The following LRRTM3 variants were observed in gnomAD, a reference collection of about 807,000 sequenced individuals.
The protein encoded by LRRTM3 is leucine-rich repeat transmembrane neuronal protein 3.
Under a neutral mutation model 44.7 loss-of-function variants are expected in LRRTM3, and 24 were observed. The ratio of observed to expected loss-of-function variants is 0.54; its 90% CI spans 0.39 to 0.76. The LOEUF (loss-of-function observed/expected upper bound fraction) is 0.76. Ranked by LOEUF, LRRTM3 falls within the 30% of genes least tolerant of loss-of-function variation. The pLI is 0.00. For synonymous variants in LRRTM3, 277 were observed against 278.7 expected (o/e 0.99, Z 0.06); for missense variants, 587 against 702.2 (o/e 0.84, Z 1.85).
chr10:66,971,138 T>TA (rs1464661542), intron 2 of LRRTM3, among the ~76,000 whole-genome samples: 1 of 151,936 alleles, frequency 6.6e-6, no homozygotes, highest in Non-Finnish European at 1.5e-5. Flanking sequence ...ATAGTGAAGT[T>TA]AAAAAAAGGC....
At chr10:66,997,936 G>T (rs939748652) in intron 2 of LRRTM3, among the ~76,000 whole-genome samples, 1 of 152,042 alleles carries the variant, frequency 6.6e-6, no homozygotes, top group Non-Finnish European at 1.5e-5. Context: ...AAATCTATTT[G>T]TTCCTCTTCA....
intron 2 of LRRTM3, among the ~76,000 whole-genome samples, chr10:66,957,604 T>C (rs1250742552): frequency 6.6e-6 from 1 of 151,820 alleles, no homozygotes; most frequent in Non-Finnish European, 1.5e-5. Flanking sequence ...GTCTGGATTC[T>C]GTCAGGAAAC....
intron 2 of LRRTM3, among the ~76,000 whole-genome samples, chr10:66,978,552 A>AAAAAAAAATAT: frequency 7.9e-5 from 3 of 37,866 alleles, no homozygotes; most frequent in African/African-American, 2.6e-4. Context: ...AAAAAAAAAA[A>AAAAAAAAATAT]ATATATATAT....
In LRRTM3 at chr10:67,041,674, T is replaced by C. The variant is rs374840738; in HGVS notation, c.1537-55913T>C. Reference sequence around the variant, plus strand: ...AAGCATTAAAATTGGCATGTGTCTATTAATACATTCATCAATTCTTTCATT... The same window carrying C: ...AAGCATTAAAATTGGCATGTGTCTACTAATACATTCATCAATTCTTTCATT... On this transcript the variant is annotated intron_variant, in intron 2 of 2. Transcript: ENST00000361320. Among the ~76,000 whole-genome samples the C allele has an allele frequency of 6.6e-5, 10 of 152,264 alleles. No individual in the cohort carries two copies. The South Asian group carries it at 2.1e-3, about 32-fold the overall frequency.
chr10:66,938,474 A>C (rs1442634537), intron 2 of LRRTM3, among the ~76,000 whole-genome samples: 1 of 152,210 alleles, frequency 6.6e-6, no homozygotes, highest in Non-Finnish European at 1.5e-5. Context: ...CATAAGGAAA[A>C]GAAAATATAT....
At position 67,097,740 on chromosome 10, in the gene LRRTM3, C is replaced by T. The variant is rs1858096685; in HGVS notation, c.1690C>T (p.Leu564=). ...AACACACCTAGAGACTGAGCTGGACCTGAGCACAATCACAACAGCTGGCCG... is the reference window on the plus strand; with the variant it reads ...AACACACCTAGAGACTGAGCTGGACTTGAGCACAATCACAACAGCTGGCCG... ...METHLETELD[L]STITTAGRIS... The change falls in exon 3 of 3, where the codon CTG becomes TTG. Residue 564 remains leucine (L), a synonymous_variant. Coordinates refer to ENST00000361320, the MANE Select transcript of LRRTM3 (RefSeq NM_178011.5). 6.2e-7 allele frequency: 1 copy of T among 1,612,498 alleles called. No homozygotes were observed. Among genetic ancestry groups the T allele is most frequent in the Admixed American group, 1.7e-5 (1 of 59,802 alleles).
At chr10:67,029,024 A>G (rs1853564125) in intron 2 of LRRTM3, among the ~76,000 whole-genome samples, 2 of 152,158 alleles carry the variant, frequency 1.3e-5, no homozygotes, top group Admixed American at 1.3e-4. Flanking sequence ...TGTGCTTTCC[A>G]TTAATAACAT....
intron 2 of LRRTM3, among the ~76,000 whole-genome samples, chr10:67,007,491 G>C (rs1184441777): frequency 6.6e-6 from 1 of 151,310 alleles, no homozygotes; most frequent in East Asian, 1.9e-4. Context: ...TTGACAAGCA[G>C]GACTTTCACA....
intron 2 of LRRTM3, among the ~76,000 whole-genome samples, chr10:67,062,435 A>C (rs557581615): frequency 6.6e-6 from 1 of 152,298 alleles, no homozygotes; most frequent in African/African-American, 2.4e-5. Flanking sequence ...TTATCTCTTA[A>C]GTATGCAGGT....
intron 2 of LRRTM3, among the ~76,000 whole-genome samples, chr10:67,074,768 T>A (rs1335939681): frequency 1.3e-5 from 2 of 152,170 alleles, no homozygotes; most frequent in Non-Finnish European, 2.9e-5. Context: ...AAGACATGTA[T>A]ATAAAACCAC....
chr10:66,926,219 G>GA lies in LRRTM3; in HGVS notation c.-363dup, dbSNP rs1847062655. 1 of 450,822 alleles carries GA rather than the reference G, an allele frequency of 2.2e-6. No individual in the cohort carries two copies. The highest frequency in any genetic ancestry group is 4.3e-6 in the Non-Finnish European group (1 of 234,206). The allele number at this position is 450,822 out of a possible 1,614,324, so 27.9% of individuals were successfully genotyped here. Reference sequence around the variant, plus strand: ...TCAGGTAGCCCCAAATTGCCTGGAAGAATACATCATGTTTTTCGATAAGAA... The same window carrying GA: ...TCAGGTAGCCCCAAATTGCCTGGAAGAAATACATCATGTTTTTCGATAAGAA... On this transcript the variant is annotated 5_prime_UTR_variant, in exon 1 of 3. It removes the in-frame stop codon of an upstream open reading frame in the 5' UTR. Coordinates refer to ENST00000361320, the MANE Select transcript of LRRTM3 (RefSeq NM_178011.5).
intron 2 of LRRTM3, among the ~76,000 whole-genome samples, chr10:67,077,474 C>T (rs1004001306): frequency 1.3e-5 from 2 of 152,162 alleles, no homozygotes; most frequent in African/African-American, 4.8e-5. Flanking sequence ...GTCTCCAGTC[C>T]AACCATTCTG....
At chr10:66,929,237 A>G (rs1328921414) in intron 2 of LRRTM3, among the ~76,000 whole-genome samples, 2 of 152,246 alleles carry the variant, frequency 1.3e-5, no homozygotes, top group South Asian at 4.1e-4. Context: ...TTTCATAAAT[A>G]AATAAATGAA....
At chr10:66,988,533 C>T (rs1221903928) in intron 2 of LRRTM3, among the ~76,000 whole-genome samples, 1 of 152,120 alleles carries the variant, frequency 6.6e-6, no homozygotes, top group East Asian at 1.9e-4. Context: ...GTCACTTTGA[C>T]AATTTTATTC....
chr10:67,072,314 T>C (rs765536914), intron 2 of LRRTM3, among the ~76,000 whole-genome samples: 11 of 152,324 alleles, frequency 7.2e-5, no homozygotes, highest in Non-Finnish European at 1.0e-4. Context: ...CTTCACTTTT[T>C]TTAGTCCACC....
chr10:67,047,312 T>C (rs1854814222), intron 2 of LRRTM3, among the ~76,000 whole-genome samples: 1 of 152,210 alleles, frequency 6.6e-6, no homozygotes, highest in African/African-American at 2.4e-5. Flanking sequence ...AATATGCTCC[T>C]CTTCTTTCCA....
intron 2 of LRRTM3, among the ~76,000 whole-genome samples, chr10:66,973,451 C>A (rs1849837933): frequency 6.6e-6 from 1 of 152,080 alleles, no homozygotes; most frequent in South Asian, 2.1e-4. Context: ...AGCTTAGAAG[C>A]ATTAATTTCA....
intron 2 of LRRTM3, among the ~76,000 whole-genome samples, chr10:67,029,346 C>A (rs1338168069): frequency 6.6e-6 from 1 of 152,092 alleles, no homozygotes; most frequent in African/African-American, 2.4e-5. Flanking sequence ...CAAATAGGGT[C>A]ATGGATATTT....
chr10:67,012,336 T>C (rs1852387805), intron 2 of LRRTM3: 1 of 152,232 alleles, frequency 6.6e-6, no homozygotes, highest in African/African-American at 2.4e-5. Flanking sequence ...CCAGATCTCC[T>C]AGATGCCCAC....
Sources: allele counts gnomAD v4.1 joint callset (sites outside exome capture counted in the v4.1 genomes callset), GRCh38; gene constraint gnomAD v4.1.1; transcripts MANE v1.5; gene names NCBI Gene and HGNC (gene_info 2026-07-23, HGNC 2026-07-21).